Variants in DACH2 observed in about 807,000 individuals in gnomAD.
The protein encoded by DACH2 is dachshund family transcription factor 2, also known as dachshund homolog 2.
In DACH2, 17 loss-of-function variants were observed where a neutral mutation model predicts 35.8. The ratio of observed to expected loss-of-function variants is 0.48; its 90% CI spans 0.33 to 0.71. The LOEUF is 0.71. Ranked by LOEUF, DACH2 falls within the 30% of genes least tolerant of loss-of-function variation. The probability of loss-of-function intolerance (pLI) is 0.02; values close to 1 mark genes in which losing one functional copy is unlikely to be tolerated. For synonymous variants in DACH2, 195 were observed against 177.3 expected, an observed-to-expected ratio of 1.10 and a Z score of -0.79; for missense variants, 469 against 472.7, an observed-to-expected ratio of 0.99 and a Z score of 0.07.
At chrX:86,307,439 G>C (rs920052775) in intron 1 of DACH2, among the ~76,000 whole-genome samples, 1 of 111,809 alleles carries the variant, frequency 8.9e-6, no homozygotes, top group African/African-American at 3.3e-5. Context: ...TGTGTGAGAA[G>C]ACCCTGATGA....
intron 1 of DACH2, among the ~76,000 whole-genome samples, chrX:86,181,190 A>ATCTATCTT (rs1037856280): frequency 1.8e-5 from 2 of 108,898 alleles, no homozygotes; most frequent in African/African-American, 6.7e-5. Context: ...CTATCTATCT[A>ATCTATCTT]TTTTTCAAAT....
At chrX:86,592,822 T>C (rs2039664320) in intron 3 of DACH2, among the ~76,000 whole-genome samples, 1 of 112,089 alleles carries the variant, frequency 8.9e-6, no homozygotes, top group Non-Finnish European at 1.9e-5. Context: ...ATTTTAATTG[T>C]GCATTGCTGG....
chrX:86,496,276 T>C (rs764806986), intron 2 of DACH2, among the ~76,000 whole-genome samples: 13 of 111,899 alleles, frequency 1.2e-4, no homozygotes, highest in Non-Finnish European at 2.3e-4. Flanking sequence ...AATTCTTTTA[T>C]ACTAATTCTT....
At chrX:86,576,130 G>C (rs1052349938) in intron 3 of DACH2, among the ~76,000 whole-genome samples, 1 of 111,913 alleles carries the variant, frequency 8.9e-6, no homozygotes, top group African/African-American at 3.2e-5. Context: ...AGCATGAATA[G>C]ATAAAGAAGA....
At chrX:86,426,714 T>C (rs1244965340) in intron 2 of DACH2, among the ~76,000 whole-genome samples, 1 of 111,400 alleles carries the variant, frequency 9.0e-6, no homozygotes, top group Non-Finnish European at 1.9e-5. Flanking sequence ...AGAATTGTAC[T>C]CTAAGTCCTA....
At chrX:86,389,075 A>G (rs2148116071) in intron 2 of DACH2, among the ~76,000 whole-genome samples, 1 of 111,814 alleles carries the variant, frequency 8.9e-6, no homozygotes, top group Admixed American at 9.6e-5. Context: ...CTGACCCCAC[A>G]CCTGAAACTA....
At chrX:86,227,239 T>C (rs1384656800) in intron 1 of DACH2, among the ~76,000 whole-genome samples, 4 of 102,995 alleles carry the variant, frequency 3.9e-5, no homozygotes, top group Non-Finnish European at 6.0e-5. Context: ...TTTGACACTG[T>C]TATTCATGTG....
In DACH2 at chrX:86,310,476, C is replaced by T. The variant is rs921929968; in HGVS notation, c.489-66348C>T. On this transcript the variant is annotated intron_variant, in intron 1 of 11. Transcript: ENST00000373125. Reference sequence around the variant, plus strand: ...AGGGCCTGGTTCAGACAGCTCTGCACGATATGCAGGCACCACCCAAAAGTG... The same window carrying T: ...AGGGCCTGGTTCAGACAGCTCTGCATGATATGCAGGCACCACCCAAAAGTG... 4.5e-5 allele frequency among the ~76,000 whole-genome samples: 5 copies of T among 111,367 alleles called. No homozygotes were observed. The South Asian group carries it at 1.5e-3, about 34-fold the overall frequency.
At chrX:86,385,608 G>A (rs772625682) in intron 2 of DACH2, among the ~76,000 whole-genome samples, 7 of 111,141 alleles carry the variant, frequency 6.3e-5, no homozygotes, top group Non-Finnish European at 1.1e-4. Flanking sequence ...TTTACATAAG[G>A]GACTTGAGCA....
chrX:86,812,904 T>TA lies in DACH2; in HGVS notation c.1290dup (p.Gln431ThrfsTer20), dbSNP rs1459684244. ...ATAATGAAGTCACCCTTGGACAAGA[T>TA]ACAGCTGACTCCTGGGCAGGCATTG... On this transcript the variant is annotated frameshift_variant, in exon 8 of 12. Transcript: ENST00000373125. LOFTEE classifies it high-confidence loss of function. 3 of 1,205,378 alleles carry TA rather than the reference T, an allele frequency of 2.5e-6. No individual in the cohort carries two copies.
intron 4 of DACH2, among the ~76,000 whole-genome samples, chrX:86,669,749 C>T (rs757540664): frequency 6.3e-5 from 7 of 111,320 alleles, no homozygotes; most frequent in Non-Finnish European, 1.3e-4. Context: ...ATTTTGGTGA[C>T]ATCATAATGG....
intron 1 of DACH2, among the ~76,000 whole-genome samples, chrX:86,262,803 G>T (rs1681729404): frequency 8.9e-6 from 1 of 112,195 alleles, no homozygotes. Flanking sequence ...TAACAAAATG[G>T]ACTTTGCAAC....
intron 1 of DACH2, among the ~76,000 whole-genome samples, chrX:86,338,239 C>T (rs1205591136): frequency 1.8e-5 from 2 of 111,693 alleles, no homozygotes; most frequent in Non-Finnish European, 3.8e-5. Context: ...ACAGAACTCT[C>T]CACCCCAAAT....
chrX:86,826,622 G>A (rs2042564936), intron 11 of DACH2, among the ~76,000 whole-genome samples: 1 of 111,484 alleles, frequency 9.0e-6, no homozygotes, highest in South Asian at 3.7e-4. Flanking sequence ...TTATACTACT[G>A]CAATAATAAC....
intron 1 of DACH2, among the ~76,000 whole-genome samples, chrX:86,247,949 C>T (rs1045318372): frequency 6.3e-5 from 7 of 111,071 alleles, no homozygotes; most frequent in African/African-American, 1.3e-4. Flanking sequence ...ACCACATGGT[C>T]ATCTCAATAG....
At chrX:86,349,584 A>G (rs759101028) in intron 1 of DACH2, among the ~76,000 whole-genome samples, 7 of 112,164 alleles carry the variant, frequency 6.2e-5, no homozygotes, top group Non-Finnish European at 1.1e-4. Flanking sequence ...CTTCCCATTC[A>G]TAAACACAGC....
At chrX:86,334,561 G>A (rs1374604728) in intron 1 of DACH2, among the ~76,000 whole-genome samples, 1 of 112,341 alleles carries the variant, frequency 8.9e-6, no homozygotes, top group East Asian at 2.8e-4. Context: ...GTCTTCTTAT[G>A]AGAAGTGTCT....
At chrX:86,627,357 A>G (rs764168521) in intron 3 of DACH2, among the ~76,000 whole-genome samples, 2 of 111,889 alleles carry the variant, frequency 1.8e-5, no homozygotes, top group East Asian at 2.8e-4. Flanking sequence ...TATTGTATCT[A>G]TTTATATGAT....
intron 3 of DACH2, among the ~76,000 whole-genome samples, chrX:86,597,600 G>A (rs977437260): frequency 9.0e-6 from 1 of 111,650 alleles, no homozygotes; most frequent in Admixed American, 9.6e-5. Context: ...CCTGGAGAAT[G>A]TTCCATCCAT....
Sources: gnomAD v4.1 joint callset for allele counts (sites outside exome capture counted in the v4.1 genomes callset) on GRCh38, gnomAD v4.1.1 for gene constraint, MANE v1.5 for transcripts, NCBI Gene and HGNC (gene_info 2026-07-23, HGNC 2026-07-21) for gene names.